The following SUZ12 variants were observed in gnomAD, a reference collection of about 807,000 sequenced individuals.
The protein encoded by SUZ12 is polycomb protein SUZ12.
SUZ12 carries 17 observed loss-of-function variants against 87.3 expected under a neutral mutation model. The observed-to-expected ratio is 0.19, with a 90% confidence interval of 0.13 to 0.29. SUZ12 has a LOEUF of 0.29. SUZ12 is among the 10% of genes least tolerant of loss of function. The pLI, the probability that SUZ12 is intolerant of heterozygous loss-of-function variation, is 1.00. For synonymous variants in SUZ12, 253 were observed against 312.4 expected, an observed-to-expected ratio of 0.81 and a Z score of 2.01; for missense variants, 526 against 912.2, an observed-to-expected ratio of 0.58 and a Z score of 5.45.
chr17:31,954,308 A>G (rs529256084), intron 4 of SUZ12, among the ~76,000 whole-genome samples: 2 of 150,928 alleles, frequency 1.3e-5, no homozygotes, highest in African/African-American at 4.9e-5. Flanking sequence ...TGTTCTGCCC[A>G]CCTCGGCCTC....
intron 9 of SUZ12, among the ~76,000 whole-genome samples, chr17:31,987,302 A>G (rs1408718157): frequency 6.6e-6 from 1 of 152,262 alleles, no homozygotes; most frequent in Non-Finnish European, 1.5e-5. Context: ...CATTGAGATC[A>G]ACTGGCAGTG....
chr17:31,962,131 A>G (rs1907758413), intron 4 of SUZ12, among the ~76,000 whole-genome samples: 1 of 152,166 alleles, frequency 6.6e-6, no homozygotes, highest in African/African-American at 2.4e-5. Context: ...TTTGCTGGAT[A>G]CTTTATTATT....
chr17:31,945,806 C>T (rs1239587489), intron 3 of SUZ12, among the ~76,000 whole-genome samples: 1 of 152,082 alleles, frequency 6.6e-6, no homozygotes, highest in Non-Finnish European at 1.5e-5. Context: ...AACCTTAGAA[C>T]GTACAGTCTT....
At chr17:31,993,767 G>A (rs959536298) in intron 11 of SUZ12, 98 bp from the exon 12 acceptor site, 7 of 1,240,632 alleles carry the variant, frequency 5.6e-6, no homozygotes, top group Admixed American at 2.5e-5. Context: ...TTGATTTTCC[G>A]CTTAAATTTT....
intron 8 of SUZ12, among the ~76,000 whole-genome samples, chr17:31,980,786 A>G (rs1287393347): frequency 1.3e-5 from 2 of 151,926 alleles, no homozygotes; most frequent in East Asian, 3.9e-4. Flanking sequence ...TGAAGTTGTG[A>G]TTTCTTCAAG....
At chr17:31,996,640 T>G (rs1909993416) in intron 14 of SUZ12, among the ~76,000 whole-genome samples, 158 bp from the exon 15 acceptor site, 1 of 152,120 alleles carries the variant, frequency 6.6e-6, no homozygotes, top group Admixed American at 6.5e-5. Context: ...ATAAATTAAA[T>G]TAAATGACTA....
In SUZ12 at chr17:31,937,369, C is replaced by G. The variant is rs752005012; in HGVS notation, c.123C>G (p.Ser41=). The G allele has an allele frequency of 1.1e-5, 16 of 1,501,992 alleles. No individual in the cohort carries two copies. The South Asian group carries it at 1.6e-4, about 15-fold the overall frequency. The allele number at this position is 1,501,992 out of a possible 1,614,324, so 93.0% of individuals were successfully genotyped here. A position where few individuals can be genotyped will look rare whatever the true frequency, so the allele number is the denominator to read the frequency against. ...VAAATASGGK[S]GGGSCGGGGS... is the part of the protein sequence containing the mutation. ...CGGCGACGGCTTCGGGCGGCAAATC[C>G]GGCGGCGGGAGCTGTGGAGGGGGTG... The change falls in exon 1 of 16, where the codon TCC becomes TCG. Residue 41 remains serine (S), a synonymous_variant. Coordinates refer to ENST00000322652, the MANE Select transcript of SUZ12 (RefSeq NM_015355.4).
chr17:31,964,281 TC>T (rs1240757652), intron 4 of SUZ12, among the ~76,000 whole-genome samples: 2 of 152,166 alleles, frequency 1.3e-5, no homozygotes, highest in East Asian at 3.9e-4. Flanking sequence ...TGTCTTGGCC[TC>T]CCAAAATGCT....
intron 8 of SUZ12, among the ~76,000 whole-genome samples, chr17:31,981,447 G>A (rs1166700610): frequency 6.6e-6 from 1 of 152,138 alleles, no homozygotes; most frequent in Non-Finnish European, 1.5e-5. Context: ...AGGCTGTGGG[G>A]GAAAAGTCTC....
chr17:31,954,099 G>A (rs1271540153), intron 4 of SUZ12, among the ~76,000 whole-genome samples: 1 of 149,534 alleles, frequency 6.7e-6, no homozygotes, highest in Non-Finnish European at 1.5e-5. Context: ...GTCTTGCTTT[G>A]TTGCCCAGGC....
At position 31,996,779 on chromosome 17, in the gene SUZ12, T is replaced by G. The variant is rs768644887; in HGVS notation, c.1795-19T>G. The G allele has an allele frequency of 6.6e-7, 1 of 1,521,834 alleles. No individual in the cohort carries two copies. The highest frequency in any genetic ancestry group is 2.5e-5 in the Admixed American group (1 of 39,804). The allele number at this position is 1,521,834 out of a possible 1,614,324, so 94.3% of individuals were successfully genotyped here. On this transcript the variant is annotated intron_variant, in intron 14 of 15. Coordinates refer to ENST00000322652, the MANE Select transcript of SUZ12 (RefSeq NM_015355.4). ...CTTAAAATATGTGTTTAATAGGTGT[T>G]TTTCTTTCTTTTTCCCAGCAAATTG...
intron 3 of SUZ12, among the ~76,000 whole-genome samples, chr17:31,944,996 A>T (rs1242982366): frequency 6.6e-6 from 1 of 150,724 alleles, no homozygotes. Context: ...TGAGCCCAGA[A>T]GTTCGAAGGT....
At chr17:31,976,853 TC>T (rs1425426725) in intron 8 of SUZ12, among the ~76,000 whole-genome samples, 1 of 152,200 alleles carries the variant, frequency 6.6e-6, no homozygotes, top group Non-Finnish European at 1.5e-5. Flanking sequence ...TTTCTGAGTG[TC>T]TACTCTTTGC....
At chr17:31,940,741 G>A (rs896096706) in intron 3 of SUZ12, among the ~76,000 whole-genome samples, 1 of 151,510 alleles carries the variant, frequency 6.6e-6, no homozygotes, top group Non-Finnish European at 1.5e-5. Flanking sequence ...GGCTGGGTGT[G>A]GTGGCTCATA....
intron 4 of SUZ12, among the ~76,000 whole-genome samples, chr17:31,954,203 C>T (rs1907161122): frequency 6.6e-6 from 1 of 152,012 alleles, no homozygotes; most frequent in Non-Finnish European, 1.5e-5. Flanking sequence ...GTTGGGATTA[C>T]AGGCACACAC....
At chr17:31,974,824 GTCT>G (rs1231494898) in intron 6 of SUZ12, among the ~76,000 whole-genome samples, 1 of 152,072 alleles carries the variant, frequency 6.6e-6, no homozygotes, top group Non-Finnish European at 1.5e-5. Context: ...TGTCATAAAA[GTCT>G]TCTGATCCTT....
chr17:31,961,169 C>T (rs985939452), intron 4 of SUZ12, among the ~76,000 whole-genome samples: 2 of 151,824 alleles, frequency 1.3e-5, no homozygotes, highest in South Asian at 2.1e-4. Flanking sequence ...GCCGAGATCA[C>T]GCCATTGAAC....
intron 4 of SUZ12, among the ~76,000 whole-genome samples, chr17:31,949,852 T>C (rs1421476659): frequency 3.3e-5 from 5 of 151,362 alleles, no homozygotes; most frequent in African/African-American, 1.2e-4. Flanking sequence ...CCCAGCTGAT[T>C]TTGTATTTTT....
intron 13 of SUZ12, 68 bp from the exon 14 acceptor site, chr17:31,995,496 C>T: frequency 3.1e-6 from 4 of 1,293,026 alleles, no homozygotes; most frequent in Admixed American, 1.8e-5. Flanking sequence ...CAGATCTCAA[C>T]TCCTAGTCGT....
Sources: gnomAD v4.1 joint callset for allele counts (sites outside exome capture counted in the v4.1 genomes callset) on GRCh38, gnomAD v4.1.1 for gene constraint, MANE v1.5 for transcripts, NCBI Gene and HGNC (gene_info 2026-07-23, HGNC 2026-07-21) for gene names.